The following CCNF variants were observed in gnomAD, a reference collection of about 807,000 sequenced individuals.
The protein encoded by CCNF is cyclin F.
CCNF carries 30 observed loss-of-function variants against 85.4 expected under a neutral mutation model. That is an observed-to-expected ratio of 0.35 (90% CI 0.26 to 0.48). CCNF has a LOEUF of 0.48. Ranked by LOEUF, CCNF falls within the 20% of genes least tolerant of loss-of-function variation. The pLI is 0.99. For synonymous variants in CCNF, 439 were observed against 425.1 expected, an observed-to-expected ratio of 1.03 and a Z score of -0.40; for missense variants, 919 against 1,010.4, an observed-to-expected ratio of 0.91 and a Z score of 1.23.
At chr16:2,454,734 GC>G (rs1262771199) in intron 15 of CCNF, among the ~76,000 whole-genome samples, 1 of 152,178 alleles carries the variant, frequency 6.6e-6, no homozygotes, top group Admixed American at 6.5e-5. Context: ...TCTGCCTGGC[GC>G]CGGGCTAAGC....
rs1172670917 is a variant in CCNF at position 2,456,777 on chromosome 16, C to T, written c.2118C>T (p.Ser706=). The change falls in exon 17 of 17, where the codon AGC becomes AGT. Residue 706 remains serine, a synonymous_variant. Coordinates refer to ENST00000397066, the MANE Select transcript of CCNF (RefSeq NM_001761.3). The surrounding 1 kb of genome is among the most constrained non-coding windows in gnomAD (Gnocchi z 4.5). Reference sequence around the variant, plus strand: ...CGACCTCAGGGTACTCCTCCGTCAGCACCGCAAGTCCCACAAGCTCCGTGG... The same window carrying T: ...CGACCTCAGGGTACTCCTCCGTCAGTACCGCAAGTCCCACAAGCTCCGTGG... The part of the protein sequence containing the change: ...DVTTSGYSSV[S]TASPTSSVDG... 2 of 1,613,400 alleles carry T rather than the reference C, an allele frequency of 1.2e-6. No homozygotes were observed. The highest frequency in any genetic ancestry group is 1.1e-5 in the South Asian group (1 of 91,010).
intron 6 of CCNF, among the ~76,000 whole-genome samples, chr16:2,438,413 C>T (rs961186379): frequency 2.0e-5 from 3 of 152,144 alleles, no homozygotes; most frequent in African/African-American, 4.8e-5. Context: ...CCCTGCTCCT[C>T]GTGGGCCTCT....
chr16:2,440,408 C>T (rs1404675827), intron 8 of CCNF, among the ~76,000 whole-genome samples: 4 of 152,116 alleles, frequency 2.6e-5, no homozygotes, highest in Non-Finnish European at 5.9e-5. Context: ...GACCTGAGGT[C>T]AGGAGTTCGA....
At chr16:2,450,843 A>G (rs12932646) in intron 13 of CCNF, among the ~76,000 whole-genome samples, 113,224 of 151,836 alleles carry the variant, frequency 0.75, 42,924 homozygotes, top group African/African-American at 0.89. Flanking sequence ...GCCCCCAGTC[A>G]GGAAAATACT....
intron 7 of CCNF, 36 bp from the exon 8 acceptor site, chr16:2,439,713 C>G (rs772905902): frequency 2.5e-6 from 4 of 1,577,486 alleles, no homozygotes; most frequent in Non-Finnish European, 3.5e-6. Flanking sequence ...TCCCAAGACA[C>G]AGTTGTACAA....
chr16:2,439,729 C>T lies in CCNF; in HGVS notation c.700-20C>T, dbSNP rs752802686. On this transcript the variant is annotated intron_variant, in intron 7 of 16. Coordinates refer to ENST00000397066, the MANE Select transcript of CCNF (RefSeq NM_001761.3). ...CCCAAGACACAGTTGTACAAAGGCT[C>T]GGTGATCTCCCATTGACAGGTGTCA... is the stretch of plus-strand genomic sequence containing the variant. 5.6e-6 allele frequency: 9 copies of T among 1,608,554 alleles called. No individual in the cohort carries two copies. The highest frequency in any genetic ancestry group is 3.3e-5 in the South Asian group (3 of 90,856).
rs1160948294 is a variant in CCNF at position 2,437,156 on chromosome 16, A to T, written c.374A>T (p.Glu125Val). Residue 125 changes from glutamate to valine, a missense_variant, in exon 5 of 17, where the codon GAA becomes GTA. This residue lies in a region of CCNF where 410 missense variants were observed against 478.6 expected (regional missense o/e 0.86). Transcript: ENST00000397066. ...GLSVSDEARA[E>V]VNGLKASRFF... is the part of the protein sequence containing the mutation. ...TCTGTGTCTGATGAGGCCCGCGCAG[A>T]AGTGAATGGCCTGAAGGCCTCTCGC... The T allele has an allele frequency of 6.2e-7, 1 of 1,607,010 alleles. No individual in the cohort carries two copies. The highest frequency in any genetic ancestry group is 1.1e-5 in the South Asian group (1 of 90,420).
chr16:2,443,806 G>T lies in CCNF; in HGVS notation c.929+6G>T. ...GGACTCAATGACACAATGAGGTGAGGCATTCAGGCCGGGGCTTCTAATCAG... is the reference window on the plus strand; with the variant it reads ...GGACTCAATGACACAATGAGGTGAGTCATTCAGGCCGGGGCTTCTAATCAG... On this transcript the variant is annotated splice_donor_region_variant and intron_variant, in intron 9 of 16. Coordinates refer to ENST00000397066, the MANE Select transcript of CCNF (RefSeq NM_001761.3). The T allele has an allele frequency of 6.2e-7, 1 of 1,613,778 alleles. No individual in the cohort carries two copies. Among genetic ancestry groups the T allele is most frequent in the Non-Finnish European group, 8.5e-7 (1 of 1,179,728 alleles).
At chr16:2,455,374 T>C in intron 15 of CCNF, 21 bp from the exon 16 acceptor site, 1 of 1,565,822 alleles carries the variant, frequency 6.4e-7, no homozygotes, top group African/African-American at 1.3e-5. Flanking sequence ...CTGGGTCTCC[T>C]GGGCTCTCTC....
chr16:2,445,694 A>T, intron 10 of CCNF, 72 bp downstream of exon 10: 1 of 1,335,178 alleles, frequency 7.5e-7, no homozygotes, highest in Admixed American at 2.2e-5. Flanking sequence ...CCTGCCCTTC[A>T]TGTGCTCCTC....
chr16:2,449,377 C>T lies in CCNF; in HGVS notation c.1314C>T (p.Ser438=). 3.1e-6 allele frequency: 5 copies of T among 1,613,168 alleles called. No individual in the cohort carries two copies. Among genetic ancestry groups the T allele is most frequent in the Non-Finnish European group, 4.2e-6 (5 of 1,179,984 alleles). ...TGTGCAGCTTCCTCTGCGAGCTCTC[C>T]CTGCTGCACACCAGCCTGTCCGCCT... The part of the protein sequence containing the change: ...QHLCSFLCEL[S]LLHTSLSAYA... Residue 438 remains serine, a synonymous_variant, in exon 12 of 17, where the codon TCC becomes TCT. Coordinates refer to ENST00000397066, the MANE Select transcript of CCNF (RefSeq NM_001761.3).
At position 2,456,651 on chromosome 16, in the gene CCNF, A is replaced by G; in HGVS notation, c.1992A>G (p.Gly664=). Residue 664 remains glycine, a synonymous_variant, in exon 17 of 17, where the codon GGA becomes GGG. Coordinates refer to ENST00000397066, the MANE Select transcript of CCNF (RefSeq NM_001761.3). The surrounding 1 kb of genome is among the most constrained non-coding windows in gnomAD (Gnocchi z 4.5). The stretch of plus-strand genomic sequence containing the variant: ...AGGAGGCTTGTCCAGAGGACAAGGG[A>G]CCCCAGGACCCACAGGCACTGGCGC... The part of the protein sequence containing the change: ...SDEEACPEDK[G]PQDPQALALD... 6.2e-7 allele frequency: 1 copy of G among 1,613,104 alleles called. No individual in the cohort carries two copies. The highest frequency in any genetic ancestry group is 8.5e-7 in the Non-Finnish European group (1 of 1,179,698).
chr16:2,438,888 C>G (rs2065306183), intron 6 of CCNF, among the ~76,000 whole-genome samples: 1 of 151,762 alleles, frequency 6.6e-6, no homozygotes, highest in Non-Finnish European at 1.5e-5. Flanking sequence ...ATCCTAGCTA[C>G]TTGGGAGGCT....
chr16:2,453,209 G>C lies in CCNF; in HGVS notation c.1488-1G>C. 3.1e-6 allele frequency: 5 copies of C among 1,613,660 alleles called. No individual in the cohort carries two copies. The highest frequency in any genetic ancestry group is 4.2e-6 in the Non-Finnish European group (5 of 1,179,982). Reference sequence around the variant, plus strand: ...TCCACTCCACGTGACTCTGTTTCCAGCTTCCATGATGACGCCCCCAAGGAC... The same window carrying C: ...TCCACTCCACGTGACTCTGTTTCCACCTTCCATGATGACGCCCCCAAGGAC... On this transcript the variant is annotated splice_acceptor_variant, in intron 13 of 16. Transcript: ENST00000397066. LOFTEE classifies it high-confidence loss of function. The surrounding 1 kb of genome is among the most constrained non-coding windows in gnomAD (Gnocchi z 5.6).
At chr16:2,439,288 C>A in intron 6 of CCNF, 65 bp from the exon 7 acceptor site, 2 of 1,382,326 alleles carry the variant, frequency 1.4e-6, no homozygotes, top group Non-Finnish European at 2.0e-6. Context: ...ACGAGTGAAA[C>A]TGTCTCAAAA....
intron 3 of CCNF, among the ~76,000 whole-genome samples, chr16:2,434,479 C>G (rs2065277657): frequency 6.6e-6 from 1 of 151,850 alleles, no homozygotes; most frequent in Non-Finnish European, 1.5e-5. Flanking sequence ...TGGGTGGTGG[C>G]ACATGCCTGT....
intron 8 of CCNF, among the ~76,000 whole-genome samples, chr16:2,443,238 A>C (rs937293610): frequency 6.8e-6 from 1 of 147,722 alleles, no homozygotes; most frequent in African/African-American, 2.5e-5. Flanking sequence ...TTCTGAAAAT[A>C]GCTGTTTTTA....
intron 11 of CCNF, 22 bp from the exon 12 acceptor site, chr16:2,449,260 A>G: frequency 1.2e-6 from 2 of 1,613,046 alleles, no homozygotes; most frequent in Non-Finnish European, 1.7e-6. Flanking sequence ...CTGAGAGCCC[A>G]CACCCCGTCC....
At chr16:2,437,925 C>T in intron 5 of CCNF, 145 bp from the exon 6 acceptor site, 3 of 449,154 alleles carry the variant, frequency 6.7e-6, no homozygotes, top group South Asian at 2.3e-5. Context: ...AAAAAAAAGA[C>T]TGAAATCTGG....
Sources: gnomAD v4.1 joint callset for allele counts (sites outside exome capture counted in the v4.1 genomes callset) on GRCh38, gnomAD v4.1.1 for gene constraint, gnomAD v4.1.1 regional missense constraint, Gnocchi (gnomAD v3.1) non-coding constraint, MANE v1.5 for transcripts, NCBI Gene and HGNC (gene_info 2026-07-23, HGNC 2026-07-21) for gene names.